PRH1: variants seen among roughly 807,000 people sequenced by gnomAD.
PRH1 encodes the protein proline rich protein HaeIII subfamily 1, also known as salivary acidic proline-rich phosphoprotein 1/2.
Under a neutral mutation model 7.9 loss-of-function variants are expected in PRH1, and 7 were observed. That is an observed-to-expected ratio of 0.89 (90% CI 0.50 to 1.67). The LOEUF (loss-of-function observed/expected upper bound fraction) is 1.67, where lower values mean the gene tolerates loss of function less well. PRH1 is among the 40% of genes most tolerant of loss of function. The probability of loss-of-function intolerance (pLI) is 0.00; values close to 1 mark genes in which losing one functional copy is unlikely to be tolerated. For missense variants in PRH1, 109 were observed against 223.6 expected (o/e 0.49, Z 3.27); for synonymous variants, 45 against 80.8 (o/e 0.56, Z 2.38).
At chr12:11,056,812 C>T (rs78098331) in intron 1 of PRH1, among the ~76,000 whole-genome samples, 3 of 148,734 alleles carry the variant, frequency 2.0e-5, no homozygotes, top group Non-Finnish European at 3.0e-5. Context: ...AGCTAGACTC[C>T]GTCTCGAGAA....
chr12:10,906,911 G>A (rs944463645), intron 2 of PRH1, among the ~76,000 whole-genome samples: 1 of 152,154 alleles, frequency 6.6e-6, no homozygotes, highest in African/African-American at 2.4e-5. Context: ...AATGAATCAA[G>A]CTAAGTAGTT....
At chr12:11,143,023 A>G (rs981457158) in intron 1 of PRH1, among the ~76,000 whole-genome samples, 1 of 152,192 alleles carries the variant, frequency 6.6e-6, no homozygotes, top group East Asian at 1.9e-4. Context: ...ACTCACTGGT[A>G]ATAGTAAGGA....
At chr12:11,026,170 G>A (rs1026170056) in intron 1 of PRH1, among the ~76,000 whole-genome samples, 4 of 152,172 alleles carry the variant, frequency 2.6e-5, no homozygotes, top group African/African-American at 9.7e-5. Flanking sequence ...CAAGTATTTG[G>A]AACTATAGGC....
rs528119968 is a variant in PRH1, at chr12:11,164,588, C to T, written n.39+6834G>A. Among the ~76,000 whole-genome samples, 311 of 152,288 alleles carry T rather than the reference C, an allele frequency of 2.0e-3. 1 individual carries two copies. Among genetic ancestry groups the T allele is most frequent in the African/African-American group, 7.2e-3 (300 of 41,568 alleles). ...TTATTGCCTTCATGTACAACCCCTACAATTCTGGATTCCTGAAAGTAACCC... is the reference window on the plus strand; with the variant it reads ...TTATTGCCTTCATGTACAACCCCTATAATTCTGGATTCCTGAAAGTAACCC... On this transcript the variant is annotated intron_variant and non_coding_transcript_variant, in intron 1 of 1. Coordinates refer to the PRH1 transcript ENST00000541175.
chr12:10,952,565 T>C (rs994548453), intron 2 of PRH1, among the ~76,000 whole-genome samples: 1 of 152,108 alleles, frequency 6.6e-6, no homozygotes, highest in Admixed American at 6.5e-5. Flanking sequence ...ACTGTGGTAA[T>C]TGCACTATGA....
At chr12:10,982,676 TA>T (rs1211165037) in intron 1 of PRH1, among the ~76,000 whole-genome samples, 1 of 152,164 alleles carries the variant, frequency 6.6e-6, no homozygotes, top group Non-Finnish European at 1.5e-5. Flanking sequence ...GTGGTACCCA[TA>T]AGCAGGAAGT....
intron 2 of PRH1, among the ~76,000 whole-genome samples, chr12:10,916,333 T>C (rs903303802): frequency 6.6e-6 from 1 of 152,100 alleles, no homozygotes; most frequent in East Asian, 1.9e-4. Context: ...AGAAAAACCA[T>C]ATCAAACCCT....
At chr12:11,168,524 G>T (rs1287992133) in intron 1 of PRH1, among the ~76,000 whole-genome samples, 2 of 152,002 alleles carry the variant, frequency 1.3e-5, no homozygotes, top group Non-Finnish European at 2.9e-5. Context: ...ATACAAAAAA[G>T]TTTTCGTCAA....
chr12:10,938,579 T>C (rs780814771), intron 2 of PRH1: 1 of 1,613,986 alleles, frequency 6.2e-7, no homozygotes, highest in South Asian at 1.1e-5. Context: ...CTGCATCTTC[T>C]TGCGATGTTT....
At chr12:11,030,195 GTCAAT>G (rs1222234129) in intron 1 of PRH1, among the ~76,000 whole-genome samples, 4 of 150,866 alleles carry the variant, frequency 2.7e-5, no homozygotes, top group East Asian at 1.9e-4. Context: ...GCATGTTATT[GTCAAT>G]GTTCTTAAGT....
At chr12:11,038,504 C>T (rs1308316226) in intron 1 of PRH1, among the ~76,000 whole-genome samples, 4 of 152,202 alleles carry the variant, frequency 2.6e-5, no homozygotes, top group East Asian at 1.9e-4. Context: ...TGAGATTATA[C>T]TAAATGTATT....
chr12:11,169,389 G>A lies in PRH1; in HGVS notation n.39+2033C>T, dbSNP rs558329483. On this transcript the variant is annotated intron_variant and non_coding_transcript_variant, in intron 1 of 1. Transcript: ENST00000541175. ...CTTTCTTCAGCTCTAGAGCATTAAGGAGTAGGATTTGGAGCTTTGTGACTG... is the reference window on the plus strand; with the variant it reads ...CTTTCTTCAGCTCTAGAGCATTAAGAAGTAGGATTTGGAGCTTTGTGACTG... Among the ~76,000 whole-genome samples, 4 of 152,304 alleles carry A rather than the reference G, an allele frequency of 2.6e-5. No homozygotes were observed. In the East Asian group the frequency reaches 7.7e-4, roughly 29 times the overall value.
At chr12:11,066,384 A>G (rs1565614700) in intron 1 of PRH1, among the ~76,000 whole-genome samples, 1 of 152,122 alleles carries the variant, frequency 6.6e-6, no homozygotes. Flanking sequence ...TAGTTACACT[A>G]AAATCTAAAT....
chr12:11,136,194 C>T (rs1823663), intron 1 of PRH1, among the ~76,000 whole-genome samples: 83 of 152,134 alleles, frequency 5.5e-4, no homozygotes, highest in African/African-American at 1.9e-3. Flanking sequence ...TAAACTCCAT[C>T]GCTTGGTCTG....
chr12:11,032,950 A>T (rs944097356), intron 1 of PRH1, among the ~76,000 whole-genome samples: 7 of 152,164 alleles, frequency 4.6e-5, no homozygotes, highest in Admixed American at 3.9e-4. Context: ...TGGCCTATCT[A>T]GTACACTGTT....
intron 2 of PRH1, among the ~76,000 whole-genome samples, chr12:10,923,925 C>T (rs1950086919): frequency 6.7e-6 from 1 of 150,304 alleles, no homozygotes; most frequent in Non-Finnish European, 1.5e-5. Flanking sequence ...AGTTATCACT[C>T]TCTTTTCACT....
chr12:11,117,495 G>A (rs531712579), downstream of PRH1, among the ~76,000 whole-genome samples: 4 of 152,032 alleles, frequency 2.6e-5, no homozygotes, highest in Admixed American at 1.3e-4. Context: ...ACTACCCAAA[G>A]AATCTACAGA....
At chr12:11,066,126 A>AG (rs1287932669) in intron 1 of PRH1, among the ~76,000 whole-genome samples, 1 of 125,054 alleles carries the variant, frequency 8.0e-6, no homozygotes, top group Admixed American at 7.9e-5. Context: ...AGATTGAAGA[A>AG]CTTTAAGTCT....
chr12:11,122,122 T>A (rs1945928333), intron 1 of PRH1, among the ~76,000 whole-genome samples: 1 of 151,540 alleles, frequency 6.6e-6, no homozygotes, highest in African/African-American at 2.4e-5. Flanking sequence ...TCCTGTAACT[T>A]GCTTCAATGA....
Sources: gnomAD v4.1 joint callset for allele counts (sites outside exome capture counted in the v4.1 genomes callset) on GRCh38, gnomAD v4.1.1 for gene constraint, MANE v1.5 for transcripts, NCBI Gene and HGNC (gene_info 2026-07-23, HGNC 2026-07-21) for gene names.